Variants in SLC5A4 observed in about 807,000 individuals in gnomAD.
SLC5A4 encodes the protein probable glucose sensor protein SLC5A4.
Under a neutral mutation model 70.3 loss-of-function variants are expected in SLC5A4, and 55 were observed. That is an observed-to-expected ratio of 0.78 (90% CI 0.63 to 0.98). The LOEUF (loss-of-function observed/expected upper bound fraction) is 0.98, where lower values mean the gene tolerates loss of function less well. SLC5A4 is among the 50% of genes least tolerant of loss of function. The probability of loss-of-function intolerance (pLI) is 0.00; values close to 1 mark genes in which losing one functional copy is unlikely to be tolerated. For missense variants in SLC5A4, 735 were observed against 839.2 expected, an observed-to-expected ratio of 0.88 and a Z score of 1.53; for synonymous variants, 268 against 305.7, an observed-to-expected ratio of 0.88 and a Z score of 1.29.
At chr22:32,309,944 T>C in the SLC5A4 span, among the ~76,000 whole-genome samples, 1 of 151,536 alleles carries the variant, frequency 6.6e-6, no homozygotes, top group Non-Finnish European at 1.5e-5. Context: ...TGCCACAGAA[T>C]GTTCCAGTCC....
chr22:32,273,246 TA>T, the SLC5A4 span: 106 of 326,406 alleles, frequency 3.2e-4, no homozygotes, highest in African/African-American at 2.1e-3. Context: ...TCATATACTA[TA>T]ATGCAATAAG....
Position 32,232,883 on chromosome 22 carries a change from C to T in SLC5A4, c.1021+16G>A, listed in dbSNP as rs200967026. 88 of 1,600,058 alleles carry T rather than the reference C, an allele frequency of 5.5e-5. No homozygotes were observed. Among genetic ancestry groups the T allele is most frequent in the East Asian group, 3.4e-4 (15 of 44,628 alleles). Reference sequence around the variant, plus strand: ...CAAGCATAAAAAAAGAGAGAACATACGGATTCAGGGCTTACCTGTGTACAG... The same window carrying T: ...CAAGCATAAAAAAAGAGAGAACATATGGATTCAGGGCTTACCTGTGTACAG... On this transcript the variant is annotated intron_variant, in intron 9 of 14. Transcript: ENST00000266086.
At chr22:32,298,073 A>C in the SLC5A4 span, among the ~76,000 whole-genome samples, 2 of 98,852 alleles carry the variant, frequency 2.0e-5, 1 homozygote, top group Non-Finnish European at 4.2e-5. Context: ...TTTACTTCCC[A>C]GTATGTGGTC....
chr22:32,278,442 A>G, the SLC5A4 span, among the ~76,000 whole-genome samples: 1 of 152,396 alleles, frequency 6.6e-6, no homozygotes, highest in Middle Eastern at 3.4e-3. Flanking sequence ...CTTCAAAGTT[A>G]ATAGAATATA....
chr22:32,350,660 C>T, the SLC5A4 span, among the ~76,000 whole-genome samples: 2 of 151,884 alleles, frequency 1.3e-5, no homozygotes, highest in Non-Finnish European at 2.9e-5. Context: ...AGAAACACAC[C>T]TAAGAAACTG....
chr22:32,333,859 CACAG>C, the SLC5A4 span, among the ~76,000 whole-genome samples: 34 of 127,750 alleles, frequency 2.7e-4, 1 homozygote, highest in Admixed American at 2.1e-3. Flanking sequence ...ACACACACAC[CACAG>C]ACACCCACAA....
chr22:32,254,761 G>A (rs527295365), intron 1 of SLC5A4, among the ~76,000 whole-genome samples: 95 of 150,946 alleles, frequency 6.3e-4, no homozygotes, highest in Non-Finnish European at 8.4e-4. Flanking sequence ...CCAAGCAAGC[G>A]CCACTGCACT....
the SLC5A4 span, among the ~76,000 whole-genome samples, chr22:32,320,805 C>T: frequency 0.044 from 6,761 of 152,218 alleles, 212 homozygotes; most frequent in African/African-American, 0.091. Context: ...TCCATCAAAT[C>T]GGCCAAACTT....
At chr22:32,225,523 G>A (rs754077880) in intron 12 of SLC5A4, 132 bp downstream of exon 12, 139 of 624,940 alleles carry the variant, frequency 2.2e-4, no homozygotes, top group East Asian at 7.6e-4. Flanking sequence ...AATTGTGGCT[G>A]ACCTCAACTA....
chr22:32,273,939 T>C, the SLC5A4 span, among the ~76,000 whole-genome samples: 7,726 of 152,168 alleles, frequency 0.051, 384 homozygotes, highest in Admixed American at 0.15. Context: ...GGCCCAGGGA[T>C]ATGAACAGAT....
At chr22:32,318,739 G>T in the SLC5A4 span, among the ~76,000 whole-genome samples, 1 of 152,126 alleles carries the variant, frequency 6.6e-6, no homozygotes, top group Non-Finnish European at 1.5e-5. Context: ...GTCCAATTAT[G>T]CCACCCCTTT....
the SLC5A4 span, among the ~76,000 whole-genome samples, chr22:32,305,832 G>T: frequency 6.6e-6 from 1 of 151,568 alleles, no homozygotes; most frequent in South Asian, 2.1e-4. Flanking sequence ...GATTGGCCCT[G>T]TCCCCCCACC....
the SLC5A4 span, among the ~76,000 whole-genome samples, chr22:32,352,438 C>CA: frequency 0.015 from 2,237 of 151,632 alleles, 55 homozygotes; most frequent in African/African-American, 0.052. Flanking sequence ...ACTACCCTGA[C>CA]AAAAAACCAA....
At chr22:32,272,198 C>T in the SLC5A4 span, 2 of 747,692 alleles carry the variant, frequency 2.7e-6, no homozygotes, top group Non-Finnish European at 5.0e-6. Context: ...AGGAGGAGGT[C>T]ATGTCCTGAG....
At chr22:32,287,991 C>T in the SLC5A4 span, among the ~76,000 whole-genome samples, 5 of 148,398 alleles carry the variant, frequency 3.4e-5, no homozygotes, top group Admixed American at 6.8e-5. Context: ...AGGCAGTTCA[C>T]TTGAAGACCC....
At chr22:32,323,643 CAA>C in the SLC5A4 span, among the ~76,000 whole-genome samples, 2 of 152,226 alleles carry the variant, frequency 1.3e-5, no homozygotes, top group African/African-American at 2.4e-5. Context: ...GGAAGAGGGA[CAA>C]AGTCAGAGGA....
At chr22:32,292,232 TTA>T in the SLC5A4 span, among the ~76,000 whole-genome samples, 434 of 77,008 alleles carry the variant, frequency 5.6e-3, 53 homozygotes, top group African/African-American at 0.022. Context: ...ATTCTATATA[TTA>T]TATATATAAT....
chr22:32,346,555 C>T, the SLC5A4 span, among the ~76,000 whole-genome samples: 1 of 146,854 alleles, frequency 6.8e-6, no homozygotes, highest in East Asian at 2.1e-4. Flanking sequence ...CGCCACATAT[C>T]TGCAACTATC....
chr22:32,251,463 T>TTCTGTC (rs535229391), intron 3 of SLC5A4, among the ~76,000 whole-genome samples: 2 of 151,922 alleles, frequency 1.3e-5, no homozygotes, highest in African/African-American at 4.8e-5. Flanking sequence ...CCCTTTTCTC[T>TTCTGTC]TCTGTCTCTG....
Sources: allele counts gnomAD v4.1 joint callset (sites outside exome capture counted in the v4.1 genomes callset), GRCh38; gene constraint gnomAD v4.1.1; transcripts MANE v1.5; gene names NCBI Gene and HGNC (gene_info 2026-07-23, HGNC 2026-07-21).